Variants in PVALB observed in about 807,000 individuals in gnomAD.
PVALB encodes the protein parvalbumin alpha.
A neutral mutation model predicts 10.9 loss-of-function variants in PVALB; 11 were observed. That is an observed-to-expected ratio of 1.01 (90% CI 0.63 to 1.67). The LOEUF is 1.67. PVALB is among the 40% of genes most tolerant of loss of function. PVALB has a pLI of 0.00. For missense variants in PVALB, 131 were observed against 136.2 expected, an observed-to-expected ratio of 0.96 and a Z score of 0.19; for synonymous variants, 57 against 50.7, an observed-to-expected ratio of 1.12 and a Z score of -0.53.
chr22:36,811,501 C>T, intron 3 of PVALB: 1 of 468,868 alleles, frequency 2.1e-6, no homozygotes, highest in South Asian at 1.6e-5. Context: ...CACAGAGTTG[C>T]TACTCAGTCA....
At chr22:36,813,603 C>T (rs1438061398) in intron 3 of PVALB, 43 bp downstream of exon 3, 9 of 1,514,978 alleles carry the variant, frequency 5.9e-6, no homozygotes, top group Non-Finnish European at 8.3e-6. Flanking sequence ...TCCAACACCC[C>T]AAGATCCACA....
At position 36,809,254 on chromosome 22, in the gene PVALB, T is replaced by C. The variant is rs532754377; in HGVS notation, c.304+4392A>G. 2.9e-4 allele frequency among the ~76,000 whole-genome samples: 44 copies of C among 152,252 alleles called. 1 individual carries two copies. The South Asian group carries it at 8.9e-3, about 31-fold the overall frequency. On this transcript the variant is annotated intron_variant, in intron 3 of 3. Transcript: ENST00000417718. ...GTGCTGCCCAGAGCTGGGTACTTGTTCATTCATTCATTCATTCATTCAACC... is the reference window on the plus strand; with the variant it reads ...GTGCTGCCCAGAGCTGGGTACTTGTCCATTCATTCATTCATTCATTCAACC...
At chr22:36,806,035 T>C (rs1938943775) in intron 3 of PVALB, among the ~76,000 whole-genome samples, 1 of 152,036 alleles carries the variant, frequency 6.6e-6, no homozygotes, top group South Asian at 2.1e-4. Flanking sequence ...TGGGACTATC[T>C]CCTTATAGGG....
At position 36,815,203 on chromosome 22, in the gene PVALB, G is replaced by T. The variant is rs879074359; in HGVS notation, c.94C>A (p.Gln32Lys). ...TDSFDHKKFF[Q>K]MVGLKKKSAD... ...CTCTTTTTCTTCAGGCCGACCATTT[G>T]GAAGAACTTTTTGTGGTCGAAGGAG... Residue 32 changes from glutamine (Q) to lysine (K), a missense_variant, in exon 2 of 4, where the codon CAA (glutamine) becomes AAA (lysine). Coordinates refer to ENST00000417718, the MANE Select transcript of PVALB (RefSeq NM_001315532.2). The T allele has an allele frequency of 6.2e-7, 1 of 1,614,160 alleles. No individual in the cohort carries two copies. Among genetic ancestry groups the T allele is most frequent in the South Asian group, 1.1e-5 (1 of 91,088 alleles).
Position 36,815,090 on chromosome 22 carries a change from G to C in PVALB, c.194+13C>G. ...AGCCGTGGGCTGGGCAGCCCCTGCA[G>C]GCCTCCGCTTACCCCAGCTCATCCT... On this transcript the variant is annotated intron_variant, in intron 2 of 3. Transcript: ENST00000417718. 1 of 1,613,886 alleles carries C rather than the reference G, an allele frequency of 6.2e-7. No individual in the cohort carries two copies. Among genetic ancestry groups the C allele is most frequent in the South Asian group, 1.1e-5 (1 of 91,064 alleles).
intron 3 of PVALB, among the ~76,000 whole-genome samples, chr22:36,808,838 C>T (rs949033446): frequency 6.6e-6 from 1 of 152,078 alleles, no homozygotes. Flanking sequence ...TTTTTTGGCA[C>T]CCTTCACCTC....
At chr22:36,803,726 T>C (rs1447146277) in intron 3 of PVALB, among the ~76,000 whole-genome samples, 1 of 78,850 alleles carries the variant, frequency 1.3e-5, no homozygotes, top group Non-Finnish European at 2.4e-5. Flanking sequence ...GGTGGTTGGG[T>C]GGGTGGATGG....
chr22:36,817,675 C>A (rs556281781), upstream of PVALB, among the ~76,000 whole-genome samples: 32 of 152,328 alleles, frequency 2.1e-4, no homozygotes, highest in African/African-American at 7.5e-4. Flanking sequence ...CACATCTGGC[C>A]AGGGATGCAT....
intron 3 of PVALB, among the ~76,000 whole-genome samples, chr22:36,802,398 C>T (rs1042139317): frequency 6.6e-6 from 1 of 151,658 alleles, no homozygotes; most frequent in African/African-American, 2.4e-5. Context: ...GTCAAGAGAT[C>T]GAGACTATCC....
upstream of PVALB, among the ~76,000 whole-genome samples, chr22:36,817,723 TA>T (rs1186993270): frequency 5.9e-5 from 9 of 152,338 alleles, no homozygotes; most frequent in African/African-American, 1.9e-4. Context: ...TTTTATTTTT[TA>T]TTTTTTTGCT....
chr22:36,808,823 G>T (rs1188777928), intron 3 of PVALB, among the ~76,000 whole-genome samples: 2 of 152,146 alleles, frequency 1.3e-5, no homozygotes, highest in African/African-American at 2.4e-5. Flanking sequence ...CTTTAACAAA[G>T]ATTTTTTTTT....
In PVALB at chr22:36,811,671, C is replaced by A. The variant is rs142800802; in HGVS notation, c.304+1975G>T. 1.0e-3 allele frequency: 409 copies of A among 392,618 alleles called. 2 individuals carry two copies. Among genetic ancestry groups the A allele is most frequent in the African/African-American group, 7.8e-3 (374 of 47,858 alleles). The allele number at this position is 392,618 out of a possible 1,614,324, so 24.3% of individuals were successfully genotyped here. A position where few individuals can be genotyped will look rare whatever the true frequency, so the allele number is the denominator to read the frequency against. The stretch of plus-strand genomic sequence containing the variant: ...TCAGCCATGAAGACCCAGCCCAGGG[C>A]TTCTGAGGTATGGCATATTGGCTGC... On this transcript the variant is annotated intron_variant, in intron 3 of 3. Coordinates refer to ENST00000417718, the MANE Select transcript of PVALB (RefSeq NM_001315532.2).
Position 36,800,839 on chromosome 22 carries a change from G to C in PVALB, c.*51C>G. The C allele has an allele frequency of 6.4e-7, 1 of 1,557,108 alleles. No homozygotes were observed. The highest frequency in any genetic ancestry group is 8.9e-7 in the Non-Finnish European group (1 of 1,128,140). On this transcript the variant is annotated 3_prime_UTR_variant, in exon 4 of 4. Coordinates refer to ENST00000417718, the MANE Select transcript of PVALB (RefSeq NM_001315532.2). ...GCAGGAGGGTGGCGAGAGGGGCCGA[G>C]ATTGGGTGTTCAGGGCAGAGAGGTG...
intron 3 of PVALB, among the ~76,000 whole-genome samples, chr22:36,807,593 G>T (rs184265151): frequency 6.6e-6 from 1 of 152,286 alleles, no homozygotes. Context: ...CATAAAATAA[G>T]AGGAAAGGAA....
chr22:36,814,048 T>C (rs1939091161), intron 2 of PVALB, among the ~76,000 whole-genome samples: 1 of 152,200 alleles, frequency 6.6e-6, no homozygotes, highest in African/African-American at 2.4e-5. Flanking sequence ...GTGTCATTTC[T>C]GTGTCTGGCG....
intron 1 of PVALB, 109 bp from the exon 2 acceptor site, chr22:36,815,344 T>C: frequency 6.9e-7 from 1 of 1,443,434 alleles, no homozygotes; most frequent in Non-Finnish European, 9.6e-7. Flanking sequence ...ATGCCAGTCA[T>C]GGGGAATGAG....
chr22:36,814,778 C>T (rs1453806781), intron 2 of PVALB, among the ~76,000 whole-genome samples: 1 of 152,168 alleles, frequency 6.6e-6, no homozygotes, highest in Non-Finnish European at 1.5e-5. Context: ...TTCTGCCCTG[C>T]CTATGGTGTT....
intron 2 of PVALB, among the ~76,000 whole-genome samples, chr22:36,814,573 A>C (rs1256199072): frequency 6.6e-6 from 1 of 152,078 alleles, no homozygotes; most frequent in Non-Finnish European, 1.5e-5. Context: ...AGATGGAGGC[A>C]TGCATTTTCC....
chr22:36,818,351 C>A, upstream of PVALB: 1 of 152,500 alleles, frequency 6.6e-6, no homozygotes, highest in Non-Finnish European at 1.5e-5. Flanking sequence ...CTCAAGTTCC[C>A]TGACATCGCT....
Sources: allele counts gnomAD v4.1 joint callset (sites outside exome capture counted in the v4.1 genomes callset), GRCh38; gene constraint gnomAD v4.1.1; transcripts MANE v1.5; gene names NCBI Gene and HGNC (gene_info 2026-07-23, HGNC 2026-07-21).